The following MTX3 variants were observed in gnomAD, a reference collection of about 807,000 sequenced individuals.
MTX3 encodes the protein metaxin 3, also known as metaxin-3.
In MTX3, 27 loss-of-function variants were observed where a neutral mutation model predicts 42.5. That is an observed-to-expected ratio of 0.64 (90% CI 0.47 to 0.88). The LOEUF (loss-of-function observed/expected upper bound fraction) is 0.88, where lower values mean the gene tolerates loss of function less well. Ranked by LOEUF, MTX3 falls within the 40% of genes least tolerant of loss-of-function variation. The pLI, the probability that MTX3 is intolerant of heterozygous loss-of-function variation, is 0.00. For synonymous variants in MTX3, 144 were observed against 132.9 expected (o/e 1.08, Z -0.57); for missense variants, 378 against 367.0 (o/e 1.03, Z -0.25).
At chr5:79,990,385 T>A in intron 2 of MTX3, 149 bp from the exon 3 acceptor site, 1 of 713,240 alleles carries the variant, frequency 1.4e-6, no homozygotes, top group Non-Finnish European at 2.3e-6. Context: ...CAAAGAGCGG[T>A]TCTAAAGAAC....
chr5:79,988,169 T>G, intron 6 of MTX3, 70 bp downstream of exon 6: 5 of 891,014 alleles, frequency 5.6e-6, no homozygotes, highest in Non-Finnish European at 9.0e-6. Context: ...ATAAGAGGAC[T>G]TGCTTTAAAT....
rs1831390590 is a variant in MTX3, at chr5:79,982,299, A to G, written c.*1385T>C. On this transcript the variant is annotated 3_prime_UTR_variant, in exon 9 of 9. Transcript: ENST00000512528. ...AAGACTCTTGTATAAATAACTACCT[A>G]AATACAGAACAAATTGGGAGGATGT... 1 of 424,870 alleles carries G rather than the reference A, an allele frequency of 2.4e-6. No homozygotes were observed. Among genetic ancestry groups the G allele is most frequent in the African/African-American group, 2.1e-5 (1 of 48,668 alleles). The allele number at this position is 424,870 out of a possible 1,614,324, so 26.3% of individuals were successfully genotyped here. A position where few individuals can be genotyped will look rare whatever the true frequency, so the allele number is the denominator to read the frequency against.
chr5:79,990,349 C>CTTGT, intron 2 of MTX3, 113 bp from the exon 3 acceptor site: 1 of 770,030 alleles, frequency 1.3e-6, no homozygotes, highest in Middle Eastern at 2.4e-4. Flanking sequence ...AATGAGTAAG[C>CTTGT]TTGTCTTGGT....
chr5:79,985,706 G>T (rs1282312928), intron 7 of MTX3, 47 bp from the exon 8 acceptor site: 6 of 1,356,248 alleles, frequency 4.4e-6, no homozygotes, highest in Non-Finnish European at 6.3e-6. Context: ...AATTTTTAAA[G>T]CCTTTAAAGC....
At chr5:79,985,940 GA>G (rs33942235) in intron 7 of MTX3, among the ~76,000 whole-genome samples, 2 of 127,726 alleles carry the variant, frequency 1.6e-5, no homozygotes, top group South Asian at 2.5e-4. Context: ...TTTTTTTTTT[GA>G]AAAAAAAAGC....
In MTX3 at chr5:79,980,054, T is replaced by C. The variant is rs1055201693; in HGVS notation, c.*3630A>G. Reference sequence around the variant, plus strand: ...GATCCCAGGTACCCACTGCTTAGCTTCCTTTCTTTACATGTAAGCATTTAT... The same window carrying C: ...GATCCCAGGTACCCACTGCTTAGCTCCCTTTCTTTACATGTAAGCATTTAT... On this transcript the variant is annotated 3_prime_UTR_variant, in exon 9 of 9. Transcript: ENST00000512528. The C allele has an allele frequency of 6.6e-6, 1 of 152,210 alleles. No homozygotes were observed. Among genetic ancestry groups the C allele is most frequent in the African/African-American group, 2.4e-5 (1 of 41,450 alleles). The allele number at this position is 152,210 out of a possible 1,614,324, so 9.4% of individuals were successfully genotyped here. A position where few individuals can be genotyped will look rare whatever the true frequency, so the allele number is the denominator to read the frequency against.
At position 79,976,868 on chromosome 5, in the gene MTX3, T is replaced by C. The variant is rs1437990082; in HGVS notation, c.*6816A>G. On this transcript the variant is annotated 3_prime_UTR_variant, in exon 9 of 9. Coordinates refer to ENST00000512528, the MANE Select transcript of MTX3 (RefSeq NM_001363818.2). ...GTACATAGTCTCTGAGTAAAATATATTCACACTCGGCAAGGCTAGAATATT... is the reference window on the plus strand; with the variant it reads ...GTACATAGTCTCTGAGTAAAATATACTCACACTCGGCAAGGCTAGAATATT... 1 of 152,614 alleles carries C rather than the reference T, an allele frequency of 6.6e-6. No homozygotes were observed. The highest frequency in any genetic ancestry group is 2.4e-5 in the African/African-American group (1 of 41,454). The allele number at this position is 152,614 out of a possible 1,614,324, so 9.5% of individuals were successfully genotyped here. A position where few individuals can be genotyped will look rare whatever the true frequency, so the allele number is the denominator to read the frequency against.
rs1383986250 is a variant in MTX3, at chr5:79,983,270, T to C, written c.*414A>G. On this transcript the variant is annotated 3_prime_UTR_variant, in exon 9 of 9. Coordinates refer to ENST00000512528, the MANE Select transcript of MTX3 (RefSeq NM_001363818.2). Reference sequence around the variant, plus strand: ...AAAAAGCCTCAGCCAAAAAGCCACATATTAGGTATTCAGCCTGGTCTAAGA... The same window carrying C: ...AAAAAGCCTCAGCCAAAAAGCCACACATTAGGTATTCAGCCTGGTCTAAGA... 1 of 157,302 alleles carries C rather than the reference T, an allele frequency of 6.4e-6. No individual in the cohort carries two copies. The highest frequency in any genetic ancestry group is 1.4e-5 in the Non-Finnish European group (1 of 71,252). The allele number at this position is 157,302 out of a possible 1,614,324, so 9.7% of individuals were successfully genotyped here.
intron 1 of MTX3, 180 bp from the exon 2 acceptor site, chr5:79,990,843 C>T: frequency 1.4e-6 from 1 of 719,884 alleles, no homozygotes; most frequent in Admixed American, 2.0e-5. Context: ...GAGGACTTTG[C>T]TCCCCAAAAG....
Position 79,989,764 on chromosome 5 carries a change from A to G in MTX3, c.228+396T>C, listed in dbSNP as rs373242529. On this transcript the variant is annotated intron_variant, in intron 3 of 8. Coordinates refer to ENST00000512528, the MANE Select transcript of MTX3 (RefSeq NM_001363818.2). ...ACATTTAGATACATTATTCCATAAA[A>G]CTGCTATTAAGAGCTTTTTAAAAAT... 6.6e-5 allele frequency among the ~76,000 whole-genome samples: 10 copies of G among 152,364 alleles called. No homozygotes were observed. The East Asian group carries it at 9.6e-4, about 15-fold the overall frequency.
At chr5:79,984,414 C>T (rs1266147664) in intron 8 of MTX3, among the ~76,000 whole-genome samples, 5 of 152,044 alleles carry the variant, frequency 3.3e-5, no homozygotes, top group African/African-American at 1.2e-4. Flanking sequence ...AATATGTAGA[C>T]CAAAGGAAGC....
chr5:79,986,974 T>A lies in MTX3; in HGVS notation c.715A>T (p.Ser239Cys), dbSNP rs149767495. The A allele has an allele frequency of 1.1e-5, 17 of 1,613,854 alleles. 1 individual carries two copies. In the East Asian group the frequency reaches 3.1e-4, roughly 30 times the overall value. ...CCTCCAAGACTAAGCCTAAAATAAC[T>A]GCTCAGGATGTCATCACAAAAGCGA... The part of the protein sequence containing the change: ...LCRFCDDILS[S>C]YFRLSLGGIS... The change falls in exon 7 of 9, where the codon AGT becomes TGT. Residue 239 changes from serine to cysteine, a missense_variant. Coordinates refer to ENST00000512528, the MANE Select transcript of MTX3 (RefSeq NM_001363818.2).
At chr5:79,989,663 A>G (rs1177831372) in intron 3 of MTX3, among the ~76,000 whole-genome samples, 1 of 152,248 alleles carries the variant, frequency 6.6e-6, no homozygotes, top group Non-Finnish European at 1.5e-5. Context: ...CAGTATTGGC[A>G]AAACAAATAA....
In MTX3 at chr5:79,982,199, A is replaced by G. The variant is rs1831388460; in HGVS notation, c.*1485T>C. ...GAGGTACTTTCCCTCATCCAAACAGATGACCAAGATTTTGAAGACTACCTT... is the reference window on the plus strand; with the variant it reads ...GAGGTACTTTCCCTCATCCAAACAGGTGACCAAGATTTTGAAGACTACCTT... On this transcript the variant is annotated 3_prime_UTR_variant, in exon 9 of 9. Transcript: ENST00000512528. The G allele has an allele frequency of 3.4e-6, 1 of 294,802 alleles. No individual in the cohort carries two copies. The highest frequency in any genetic ancestry group is 4.4e-5 in the Admixed American group (1 of 22,800). The allele number at this position is 294,802 out of a possible 1,614,324, so 18.3% of individuals were successfully genotyped here.
chr5:79,983,885 G>T, intron 8 of MTX3, 91 bp from the exon 9 acceptor site: 1 of 768,704 alleles, frequency 1.3e-6, no homozygotes, highest in Non-Finnish European at 2.2e-6. Flanking sequence ...GCCTAGAAGA[G>T]TACAGAACCA....
intron 8 of MTX3, 110 bp downstream of exon 8, chr5:79,985,461 A>G: frequency 1.4e-6 from 1 of 726,444 alleles, no homozygotes; most frequent in South Asian, 1.7e-5. Context: ...TGAAAAACAA[A>G]CTCTATAAAA....
At position 79,982,270 on chromosome 5, in the gene MTX3, C is replaced by T. The variant is rs966073530; in HGVS notation, c.*1414G>A. 13 of 347,726 alleles carry T rather than the reference C, an allele frequency of 3.7e-5. No individual in the cohort carries two copies. Among genetic ancestry groups the T allele is most frequent in the African/African-American group, 2.6e-4 (12 of 46,290 alleles). The allele number at this position is 347,726 out of a possible 1,614,324, so 21.5% of individuals were successfully genotyped here. A position where few individuals can be genotyped will look rare whatever the true frequency, so the allele number is the denominator to read the frequency against. On this transcript the variant is annotated 3_prime_UTR_variant, in exon 9 of 9. Transcript: ENST00000512528. ...TTTCAAGAAAAAATATTTAGAATGA[C>T]TTAAAGACTCTTGTATAAATAACTA...
In MTX3 at chr5:79,988,600, TG is replaced by T. The variant is rs981330475; in HGVS notation, c.365del (p.Thr122LysfsTer13). On this transcript the variant is annotated frameshift_variant, in exon 5 of 9. Transcript: ENST00000512528. LOFTEE classifies it high-confidence loss of function. Reference protein sequence around the residue: ...WVESDNYFTVTKPWFASQIPF... With the variant: ...WVESDNYFTVXKPWFASQIPF... Reference sequence around the variant, plus strand: ...GAATTTGTGAAGCAAACCATGGCTTTGTCACAGTAAAGTAATTGTCACTCTC... The same window carrying T: ...GAATTTGTGAAGCAAACCATGGCTTTTCACAGTAAAGTAATTGTCACTCTC... 3 of 1,601,706 alleles carry T rather than the reference TG, an allele frequency of 1.9e-6. No individual in the cohort carries two copies. The highest frequency in any genetic ancestry group is 3.4e-5 in the Admixed American group (2 of 58,152).
intron 1 of MTX3, 89 bp downstream of exon 1, chr5:79,991,069 C>T: frequency 7.5e-7 from 1 of 1,329,510 alleles, no homozygotes; most frequent in Non-Finnish European, 1.1e-6. Flanking sequence ...TCCTGGACCC[C>T]GCAGCGCAGC....
Sources: allele counts gnomAD v4.1 joint callset (sites outside exome capture counted in the v4.1 genomes callset), GRCh38; gene constraint gnomAD v4.1.1; transcripts MANE v1.5; gene names NCBI Gene and HGNC (gene_info 2026-07-23, HGNC 2026-07-21).